The following KIF26B variants were observed in gnomAD, a reference collection of about 807,000 sequenced individuals.
KIF26B encodes the protein kinesin family member 26B, also known as kinesin-like protein KIF26B.
A neutral mutation model predicts 151.2 loss-of-function variants in KIF26B; 63 were observed. The ratio of observed to expected loss-of-function variants is 0.42; its 90% confidence interval spans 0.34 to 0.51. KIF26B has a LOEUF of 0.51. KIF26B is among the 20% of genes least tolerant of loss of function. KIF26B has a pLI of 0.07. For missense variants in KIF26B, 2,813 were observed against 2,913.6 expected (o/e 0.97, Z 0.79); for synonymous variants, 1,357 against 1,262.1 (o/e 1.08, Z -1.59).
chr1:245,687,622 CAGG>C lies in KIF26B; in HGVS notation c.4645_4647del (p.Glu1549del). 1 of 1,564,872 alleles carries C rather than the reference CAGG, an allele frequency of 6.4e-7. No individual in the cohort carries two copies. The highest frequency in any genetic ancestry group is 1.2e-5 in the South Asian group (1 of 84,788). Reference sequence around the variant, plus strand: ...CAGGGCCTTTCAGAAGGCCAGCCGGCAGGAGGAGCCGGACAGCCTCTCCTATTA... The same window carrying C: ...CAGGGCCTTTCAGAAGGCCAGCCGGCAGGAGCCGGACAGCCTCTCCTATTA... On this transcript the variant is annotated inframe_deletion, in exon 12 of 15. Coordinates refer to ENST00000407071, the MANE Select transcript of KIF26B (RefSeq NM_018012.4). The surrounding 1 kb of genome is among the most constrained non-coding windows in gnomAD (Gnocchi z 4.9).
intron 2 of KIF26B, among the ~76,000 whole-genome samples, chr1:245,188,536 T>G (rs1405346728): frequency 6.6e-6 from 1 of 152,194 alleles, no homozygotes; most frequent in Non-Finnish European, 1.5e-5. Context: ...AAGATATGTT[T>G]TAAGGAACTA....
chr1:245,424,981 C>G (rs1704419), intron 4 of KIF26B, among the ~76,000 whole-genome samples: 17,266 of 151,648 alleles, frequency 0.11, 1,182 homozygotes, highest in African/African-American at 0.18. Flanking sequence ...AACAGTCACC[C>G]AGAAAAGAGA....
rs2044785442 is a variant in KIF26B at position 245,702,495 on chromosome 1, G to T, written c.6216G>T (p.Glu2072Asp). The change falls in exon 15 of 15, where the codon GAG (glutamate) becomes GAT (aspartate). Residue 2072 changes from glutamate (E) to aspartate (D), a missense_variant. By Grantham distance (45) the Glu-to-Asp change is conservative (BLOSUM62 2). Transcript: ENST00000407071. The surrounding 1 kb of genome is among the most constrained non-coding windows in gnomAD (Gnocchi z 4.1). ...LEQVWELDSL[E>D]YLEALECVTE... is the part of the protein sequence containing the mutation. The stretch of plus-strand genomic sequence containing the variant: ...AGGTTTGGGAGCTGGATTCCCTGGA[G>T]TACCTGGAGGCACTGGAGTGTGTGA... 6.2e-7 allele frequency: 1 copy of T among 1,613,912 alleles called. No individual in the cohort carries two copies. The highest frequency in any genetic ancestry group is 8.5e-7 in the Non-Finnish European group (1 of 1,179,874).
chr1:245,538,992 G>A (rs952280343), intron 4 of KIF26B, among the ~76,000 whole-genome samples: 1 of 151,956 alleles, frequency 6.6e-6, no homozygotes, highest in Non-Finnish European at 1.5e-5. Context: ...TGCCAGGAAG[G>A]GTAGCAATGA....
At chr1:245,580,614 A>T (rs999167262) in intron 5 of KIF26B, among the ~76,000 whole-genome samples, 24 of 152,152 alleles carry the variant, frequency 1.6e-4, no homozygotes, top group African/African-American at 5.8e-4. Context: ...GGTTCTGCTG[A>T]TGCAGTCCAG....
At position 245,190,629 on chromosome 1, in the gene KIF26B, G is replaced by GTTTTTTTTTTTTTT. The variant is rs768099890; in HGVS notation, c.465+33950_465+33951insTTTTTTTTTTTTTT. Among the ~76,000 whole-genome samples, 21 of 80,074 alleles carry GTTTTTTTTTTTTTT rather than the reference G, an allele frequency of 2.6e-4. 1 individual carries two copies. Among genetic ancestry groups the GTTTTTTTTTTTTTT allele is most frequent in the African/African-American group, 8.0e-4 (19 of 23,682 alleles). The allele number at this position is 80,074 out of a possible 152,430, so 52.5% of individuals were successfully genotyped here. On this transcript the variant is annotated intron_variant, in intron 2 of 14. Transcript: ENST00000407071. ...CTTTTCCTATAAGTTTTCCCTGAAT[G>GTTTTTTTTTTTTTT]TTTTGTTTTGTTTTTTTTTTTTTTT...
intron 4 of KIF26B, among the ~76,000 whole-genome samples, chr1:245,487,632 G>C (rs71636553): frequency 0.033 from 5,071 of 152,124 alleles, 134 homozygotes; most frequent in Non-Finnish European, 0.05. Flanking sequence ...CAGGGTCTCA[G>C]TCCATTTGCC....
At chr1:245,274,886 T>C (rs1167876702) in intron 2 of KIF26B, among the ~76,000 whole-genome samples, 1 of 152,228 alleles carries the variant, frequency 6.6e-6, no homozygotes, top group Admixed American at 6.5e-5. Flanking sequence ...TCTAGATCCT[T>C]GAGGAATTGC....
At chr1:245,651,183 G>T (rs551666569) in intron 10 of KIF26B, among the ~76,000 whole-genome samples, 1 of 152,330 alleles carries the variant, frequency 6.6e-6, no homozygotes, top group Admixed American at 6.5e-5. Flanking sequence ...TGAGGAGTCA[G>T]GAACCAAGGT....
Position 245,468,675 on chromosome 1 carries a change from T to TAGAGAG in KIF26B, c.1166+48949_1166+48954dup, listed in dbSNP as rs112739819. ...ATTATTGTCTGAAATACTTACATCTTAGAGAGAGAGAGAGAGAGAGAGAGG... is the reference window on the plus strand; with the variant it reads ...ATTATTGTCTGAAATACTTACATCTTAGAGAGAGAGAGAGAGAGAGAGAGAGAGAGG... On this transcript the variant is annotated intron_variant, in intron 4 of 14. Transcript: ENST00000407071. Among the ~76,000 whole-genome samples, 422 of 148,294 alleles carry TAGAGAG rather than the reference T, an allele frequency of 2.8e-3. 3 individuals are homozygous for TAGAGAG. The highest frequency in any genetic ancestry group is 9.9e-3 in the African/African-American group (400 of 40,546).
At chr1:245,266,734 T>C (rs1670753872) in intron 2 of KIF26B, among the ~76,000 whole-genome samples, 1 of 152,170 alleles carries the variant, frequency 6.6e-6, no homozygotes, top group South Asian at 2.1e-4. Flanking sequence ...CTTGAACTCC[T>C]GACCTTGTGA....
chr1:245,634,179 C>A (rs2043810739), intron 9 of KIF26B, among the ~76,000 whole-genome samples: 1 of 152,180 alleles, frequency 6.6e-6, no homozygotes, highest in Non-Finnish European at 1.5e-5. Context: ...GTCCATTGAC[C>A]TCATATCCTG....
chr1:245,232,490 C>T (rs1356040225), intron 2 of KIF26B, among the ~76,000 whole-genome samples: 8 of 151,430 alleles, frequency 5.3e-5, no homozygotes, highest in Admixed American at 3.3e-4. Context: ...GATCTAGATG[C>T]ACTATTTACC....
rs1243906192 is a variant in KIF26B, at chr1:245,156,470, C to T, written c.252C>T (p.Ser84=). The T allele has an allele frequency of 4.6e-6, 7 of 1,526,596 alleles. No individual in the cohort carries two copies. The highest frequency in any genetic ancestry group is 1.4e-5 in the African/African-American group (1 of 71,144). 94.6% of individuals were successfully genotyped at this position (1,526,596 alleles called of 1,614,324 possible). A position where few individuals can be genotyped will look rare whatever the true frequency, so the allele number is the denominator to read the frequency against. ...CGTCCCCGAGCTCGTTCACCGGCTC[C>T]CCGGGACCCGCCTCCCCCGGCATCG... ...GTSSPSSFTG[S]PGPASPGIGT... The change falls in exon 2 of 15, where the codon TCC becomes TCT. Residue 84 remains serine (S), a synonymous_variant. Transcript: ENST00000407071.
chr1:245,325,094 C>CAAAAAAAAAAAAAA (rs57433161), intron 2 of KIF26B, among the ~76,000 whole-genome samples: 2 of 96,572 alleles, frequency 2.1e-5, no homozygotes, highest in Admixed American at 9.8e-5. Context: ...GACCTTGTCT[C>CAAAAAAAAAAAAAA]AAAAAAAAAA....
At chr1:245,479,580 G>C (rs1054604035) in intron 4 of KIF26B, among the ~76,000 whole-genome samples, 7 of 151,898 alleles carry the variant, frequency 4.6e-5, no homozygotes, top group African/African-American at 1.7e-4. Flanking sequence ...TTTGCAAATA[G>C]TAAGCAGTCA....
intron 2 of KIF26B, among the ~76,000 whole-genome samples, chr1:245,203,194 C>G (rs1669335816): frequency 7.1e-6 from 1 of 141,304 alleles, no homozygotes; most frequent in South Asian, 2.2e-4. Flanking sequence ...TTTCAGTGAG[C>G]CGAGACTGTG....
chr1:245,647,595 C>G (rs2043966382), intron 10 of KIF26B, among the ~76,000 whole-genome samples: 3 of 152,024 alleles, frequency 2.0e-5, no homozygotes, highest in African/African-American at 7.2e-5. Context: ...TGAAGATTAA[C>G]TAAATATATG....
At chr1:245,382,898 CTATATTG>C (rs2103018285) in intron 3 of KIF26B, among the ~76,000 whole-genome samples, 1 of 149,998 alleles carries the variant, frequency 6.7e-6, no homozygotes, top group South Asian at 2.1e-4. Context: ...TATGTATATT[CTATATTG>C]TATATATATA....
Sources: gnomAD v4.1 joint callset for allele counts (sites outside exome capture counted in the v4.1 genomes callset) on GRCh38, gnomAD v4.1.1 for gene constraint, Gnocchi (gnomAD v3.1) non-coding constraint, MANE v1.5 for transcripts, NCBI Gene and HGNC (gene_info 2026-07-23, HGNC 2026-07-21) for gene names.